Variants in MTRF1 observed in about 807,000 individuals in gnomAD.
MTRF1 encodes the protein mitochondrial translation release factor 1, also known as peptide chain release factor 1, mitochondrial.
In MTRF1, 51 loss-of-function variants were observed where a neutral mutation model predicts 62.9. The ratio of observed to expected loss-of-function variants is 0.81; its 90% CI spans 0.65 to 1.02. The LOEUF is 1.02. Ranked by LOEUF, MTRF1 falls within the 50% of genes least tolerant of loss-of-function variation. The pLI is 0.00. For synonymous variants in MTRF1, 158 were observed against 181.9 expected (o/e 0.87, Z 1.06); for missense variants, 446 against 530.0 (o/e 0.84, Z 1.56).
intron 5 of MTRF1, among the ~76,000 whole-genome samples, chr13:41,247,794 T>C (rs1019088939): frequency 1.3e-5 from 2 of 152,064 alleles, no homozygotes; most frequent in Admixed American, 6.5e-5. Flanking sequence ...TACTCCAATT[T>C]TGCATTCTGG....
At chr13:41,266,015 A>T (rs2040833201), upstream of MTRF1, among the ~76,000 whole-genome samples, 1 of 151,964 alleles carries the variant, frequency 6.6e-6, no homozygotes, top group African/African-American at 2.4e-5. Context: ...ACGCCCAGCT[A>T]ATTTTTGTAT....
At chr13:41,295,529 A>G in the MTRF1 span, among the ~76,000 whole-genome samples, 1 of 152,162 alleles carries the variant, frequency 6.6e-6, no homozygotes, top group Admixed American at 6.5e-5. Context: ...TACACTACAG[A>G]AGGTTTTTCT....
intron 9 of MTRF1, among the ~76,000 whole-genome samples, chr13:41,221,307 C>T (rs1250329357): frequency 1.3e-5 from 2 of 152,042 alleles, no homozygotes; most frequent in East Asian, 3.9e-4. Flanking sequence ...CAGGTGCCCA[C>T]CACCATGCCC....
upstream of MTRF1, among the ~76,000 whole-genome samples, chr13:41,266,996 CAAAAAA>C (rs59609555): frequency 1.5e-4 from 12 of 81,216 alleles, no homozygotes; most frequent in African/African-American, 5.5e-4. Flanking sequence ...GACTCTGTCT[CAAAAAA>C]AAAAAAAAAA....
At chr13:41,227,062 G>A (rs1046833245) in intron 7 of MTRF1, among the ~76,000 whole-genome samples, 1 of 152,040 alleles carries the variant, frequency 6.6e-6, no homozygotes, top group Admixed American at 6.6e-5. Flanking sequence ...AAGGCAAGGC[G>A]GGTGGATCAC....
chr13:41,282,287 C>A, the MTRF1 span, among the ~76,000 whole-genome samples: 4 of 152,160 alleles, frequency 2.6e-5, no homozygotes, highest in Admixed American at 2.6e-4. Flanking sequence ...AAGACCTTAT[C>A]TCTTCTGAAA....
chr13:41,240,504 A>AGATTAAGGAC, intron 5 of MTRF1, 71 bp from the exon 6 acceptor site: 3 of 1,438,456 alleles, frequency 2.1e-6, no homozygotes, highest in Non-Finnish European at 2.8e-6. Flanking sequence ...AAATGTCCTT[A>AGATTAAGGAC]ATCTAAGGCC....
chr13:41,267,145 C>A (rs1297590088), upstream of MTRF1, among the ~76,000 whole-genome samples: 1 of 150,720 alleles, frequency 6.6e-6, no homozygotes. Flanking sequence ...TCTTTAGATT[C>A]TCCTTTTCTT....
chr13:41,279,080 C>G, the MTRF1 span, among the ~76,000 whole-genome samples: 491 of 152,210 alleles, frequency 3.2e-3, 1 homozygote, highest in African/African-American at 0.011. Context: ...CCTCTTTCTC[C>G]CGGGTTTAAG....
intron 5 of MTRF1, among the ~76,000 whole-genome samples, chr13:41,249,968 T>A (rs915214924): frequency 6.6e-6 from 1 of 152,066 alleles, no homozygotes; most frequent in African/African-American, 2.4e-5. Context: ...GTTTTTTTTT[T>A]AAAGAGGGCT....
chr13:41,274,622 C>A, the MTRF1 span, among the ~76,000 whole-genome samples: 5 of 151,556 alleles, frequency 3.3e-5, no homozygotes, highest in African/African-American at 1.2e-4. Flanking sequence ...AATGTTTACT[C>A]CACGATAACT....
At chr13:41,305,362 T>A in the MTRF1 span, among the ~76,000 whole-genome samples, 2 of 152,210 alleles carry the variant, frequency 1.3e-5, no homozygotes, top group Admixed American at 6.5e-5. Flanking sequence ...CTGGCCAGAA[T>A]GACTTTTAAA....
chr13:41,273,325 CA>C, the MTRF1 span, among the ~76,000 whole-genome samples: 20,693 of 120,150 alleles, frequency 0.17, 1,558 homozygotes, highest in East Asian at 0.28. Flanking sequence ...GACTCCGTCT[CA>C]AAAAAAAAAA....
At chr13:41,272,829 C>G in the MTRF1 span, among the ~76,000 whole-genome samples, 6 of 152,028 alleles carry the variant, frequency 3.9e-5, no homozygotes, top group South Asian at 8.3e-4. Flanking sequence ...TTGTTGGAAG[C>G]AAGTAAAATG....
chr13:41,307,057 A>T, the MTRF1 span, among the ~76,000 whole-genome samples: 1 of 152,204 alleles, frequency 6.6e-6, no homozygotes, highest in Non-Finnish European at 1.5e-5. Flanking sequence ...TGCATACATT[A>T]CATCTTTTAT....
intron 2 of MTRF1, among the ~76,000 whole-genome samples, chr13:41,255,536 G>A (rs944744496): frequency 2.0e-5 from 3 of 152,048 alleles, no homozygotes; most frequent in Non-Finnish European, 4.4e-5. Flanking sequence ...TACTAAAAAT[G>A]CAAAAATTAT....
chr13:41,222,674 C>T (rs2033637850), intron 9 of MTRF1, among the ~76,000 whole-genome samples: 1 of 152,220 alleles, frequency 6.6e-6, no homozygotes, highest in Non-Finnish European at 1.5e-5. Context: ...ACAGTATTTA[C>T]GCGCTGAAAA....
At chr13:41,284,722 C>T in the MTRF1 span, among the ~76,000 whole-genome samples, 5 of 152,052 alleles carry the variant, frequency 3.3e-5, no homozygotes, top group Non-Finnish European at 7.4e-5. Flanking sequence ...GGCGTGATAT[C>T]AACTCACTGC....
At chr13:41,282,552 T>A in the MTRF1 span, among the ~76,000 whole-genome samples, 1 of 152,206 alleles carries the variant, frequency 6.6e-6, no homozygotes, top group Non-Finnish European at 1.5e-5. Context: ...AAGCCCCAGA[T>A]CTGGAAGCCC....
Sources: gnomAD v4.1 joint callset for allele counts (sites outside exome capture counted in the v4.1 genomes callset) on GRCh38, gnomAD v4.1.1 for gene constraint, MANE v1.5 for transcripts, NCBI Gene and HGNC (gene_info 2026-07-23, HGNC 2026-07-21) for gene names.